TNR: variants seen among roughly 807,000 people sequenced by gnomAD.
TNR encodes tenascin-R.
In TNR, 45 loss-of-function variants were observed where a neutral mutation model predicts 150.4. That is an observed-to-expected ratio of 0.30 (90% CI 0.24 to 0.38). The LOEUF (loss-of-function observed/expected upper bound fraction) is 0.38, where lower values mean the gene tolerates loss of function less well. TNR is among the 10% of genes least tolerant of loss of function. The probability of loss-of-function intolerance (pLI) is 1.00; values close to 1 mark genes in which losing one functional copy is unlikely to be tolerated. For synonymous variants in TNR, 687 were observed against 678.4 expected (o/e 1.01, Z -0.20); for missense variants, 1,544 against 1,759.1 (o/e 0.88, Z 2.19).
intron 15 of TNR, 40 bp from the exon 16 acceptor site, chr1:175,356,502 A>C: frequency 6.2e-7 from 1 of 1,610,160 alleles, no homozygotes; most frequent in Non-Finnish European, 8.5e-7. Flanking sequence ...GAATAAGGCT[A>C]CTCAGTTTAG....
At chr1:175,655,820 G>A (rs1665154338) in intron 1 of TNR, among the ~76,000 whole-genome samples, 1 of 152,232 alleles carries the variant, frequency 6.6e-6, no homozygotes, top group Non-Finnish European at 1.5e-5. Context: ...AAGTCAGAGA[G>A]AGGTTTGTCA....
chr1:175,598,334 T>C (rs1344261162), intron 1 of TNR, among the ~76,000 whole-genome samples: 1 of 152,232 alleles, frequency 6.6e-6, no homozygotes, highest in Non-Finnish European at 1.5e-5. Context: ...CTAAAGGCCA[T>C]ACAGGTTAAA....
At chr1:175,412,162 TAATGGG>T in intron 2 of TNR, among the ~76,000 whole-genome samples, 1 of 152,160 alleles carries the variant, frequency 6.6e-6, no homozygotes, top group African/African-American at 2.4e-5. Context: ...AGATTGCAGT[TAATGGG>T]CAGATGAGCC....
At chr1:175,417,076 A>AAATAAATAAATAAATC (rs1553218337) in intron 2 of TNR, among the ~76,000 whole-genome samples, 1 of 113,666 alleles carries the variant, frequency 8.8e-6, no homozygotes, top group African/African-American at 2.8e-5. Context: ...AGAAAGAAAG[A>AAATAAATAAATAAATC]AATCTAAGAA....
intron 18 of TNR, among the ~76,000 whole-genome samples, chr1:175,348,453 G>A (rs1385369042): frequency 6.6e-6 from 1 of 152,030 alleles, no homozygotes; most frequent in East Asian, 1.9e-4. Context: ...GAAAAATAAA[G>A]GTCACCAATT....
At chr1:175,329,961 G>A (rs1050312536) in intron 21 of TNR, 113 bp downstream of exon 21, 57 of 1,179,658 alleles carry the variant, frequency 4.8e-5, no homozygotes, top group African/African-American at 4.1e-4. Context: ...GGCCAGCAGC[G>A]AATGCTGGAA....
chr1:175,735,850 G>A (rs938457508), intron 1 of TNR, among the ~76,000 whole-genome samples: 1 of 152,142 alleles, frequency 6.6e-6, no homozygotes, highest in African/African-American at 2.4e-5. Context: ...CCTCCTTAAG[G>A]CTCAAATTAA....
At chr1:175,636,014 G>C (rs868593123) in intron 1 of TNR, among the ~76,000 whole-genome samples, 1 of 152,110 alleles carries the variant, frequency 6.6e-6, no homozygotes, top group Non-Finnish European at 1.5e-5. Flanking sequence ...CATACCATGG[G>C]TGCCAGCTCC....
intron 1 of TNR, among the ~76,000 whole-genome samples, chr1:175,728,476 T>C (rs1335383483): frequency 1.3e-5 from 2 of 152,178 alleles, no homozygotes; most frequent in East Asian, 3.8e-4. Flanking sequence ...ACGAGAGAGA[T>C]GGTTTCCTAG....
chr1:175,576,561 G>A (rs1662117613), intron 1 of TNR, among the ~76,000 whole-genome samples: 1 of 152,070 alleles, frequency 6.6e-6, no homozygotes, highest in East Asian at 1.9e-4. Context: ...ACTGCCCCTA[G>A]GAATTTATCC....
At chr1:175,569,104 T>A (rs1023966913) in intron 1 of TNR, among the ~76,000 whole-genome samples, 1 of 152,134 alleles carries the variant, frequency 6.6e-6, no homozygotes, top group African/African-American at 2.4e-5. Context: ...AGAAAGCCGA[T>A]AAGTTAACCC....
intron 2 of TNR, among the ~76,000 whole-genome samples, chr1:175,522,573 T>A (rs747144304): frequency 6.1e-4 from 93 of 152,218 alleles, no homozygotes; most frequent in Non-Finnish European, 1.1e-3. Flanking sequence ...TAAAAAAAAA[T>A]TGCTTTCTTA....
intron 14 of TNR, among the ~76,000 whole-genome samples, chr1:175,360,089 G>C (rs953483880): frequency 4.6e-5 from 7 of 152,188 alleles, no homozygotes; most frequent in Admixed American, 4.6e-4. Context: ...AGAACCCACA[G>C]AAATTGTTAT....
chr1:175,723,525 C>T (rs1308509930), intron 1 of TNR, among the ~76,000 whole-genome samples: 2 of 152,192 alleles, frequency 1.3e-5, no homozygotes, highest in African/African-American at 4.8e-5. Flanking sequence ...TGGATATTAA[C>T]TAAGTAGTCT....
intron 1 of TNR, among the ~76,000 whole-genome samples, chr1:175,538,473 T>C (rs188589322): frequency 5.9e-4 from 90 of 152,250 alleles, no homozygotes; most frequent in African/African-American, 2.0e-3. Flanking sequence ...AAAATGAAAA[T>C]ATATTTTCTT....
Position 175,480,852 on chromosome 1 carries a change from A to G in TNR, c.-64+47417T>C, listed in dbSNP as rs377507444. 7.9e-5 allele frequency among the ~76,000 whole-genome samples: 12 copies of G among 152,106 alleles called. No homozygotes were observed. In the East Asian group the frequency reaches 1.5e-3, roughly 20 times the overall value. ...TGCCTTTTTTAGCTCTTTGAGTCTCATTGTACTACCTCATGTTAGAAGCAT... is the reference window on the plus strand; with the variant it reads ...TGCCTTTTTTAGCTCTTTGAGTCTCGTTGTACTACCTCATGTTAGAAGCAT... On this transcript the variant is annotated intron_variant, in intron 2 of 22. Transcript: ENST00000367674.
intron 1 of TNR, among the ~76,000 whole-genome samples, chr1:175,657,913 A>G (rs1414966790): frequency 1.8e-5 from 2 of 113,656 alleles, no homozygotes; most frequent in East Asian, 4.8e-4. Flanking sequence ...GTGCACATGT[A>G]CCCTAAAACT....
chr1:175,382,953 C>T (rs4652084), intron 8 of TNR, among the ~76,000 whole-genome samples: 10,536 of 151,894 alleles, frequency 0.069, 540 homozygotes, highest in East Asian at 0.19. Flanking sequence ...GTACAGGTGT[C>T]AGTAGGGCTG....
chr1:175,628,452 C>T (rs1025925162), intron 1 of TNR, among the ~76,000 whole-genome samples: 2 of 151,780 alleles, frequency 1.3e-5, no homozygotes, highest in Non-Finnish European at 2.9e-5. Flanking sequence ...CAGCATGGCA[C>T]ATGTATACAT....
Sources: allele counts gnomAD v4.1 joint callset (sites outside exome capture counted in the v4.1 genomes callset), GRCh38; gene constraint gnomAD v4.1.1; transcripts MANE v1.5; gene names NCBI Gene and HGNC (gene_info 2026-07-23, HGNC 2026-07-21).